CACNG7: variants seen among roughly 807,000 people sequenced by gnomAD.
The protein encoded by CACNG7 is calcium voltage-gated channel auxiliary subunit gamma 7.
A neutral mutation model predicts 26.3 loss-of-function variants in CACNG7; 9 were observed. The observed-to-expected ratio is 0.34, with a 90% confidence interval of 0.21 to 0.60. CACNG7 has a LOEUF of 0.60. Ranked by LOEUF, CACNG7 falls within the 20% of genes least tolerant of loss-of-function variation. The pLI is 0.81. For synonymous variants in CACNG7, 170 were observed against 157.0 expected (o/e 1.08, Z -0.62); for missense variants, 297 against 380.4 (o/e 0.78, Z 1.82).
intron 4 of CACNG7, among the ~76,000 whole-genome samples, chr19:53,921,137 TC>T (rs1375363030): frequency 2.6e-5 from 2 of 77,186 alleles, no homozygotes; most frequent in Admixed American, 2.2e-4. Context: ...CCAGGTCTGG[TC>T]ATTGGTGGAG....
intron 4 of CACNG7, among the ~76,000 whole-genome samples, chr19:53,934,809 G>T (rs1302594054): frequency 1.3e-5 from 2 of 151,276 alleles, no homozygotes; most frequent in Non-Finnish European, 2.9e-5. Flanking sequence ...TAGTGTGCAG[G>T]TAATACTTTA....
Position 53,925,510 on chromosome 19 carries a change from GC to G in CACNG7, c.424+10006del, listed in dbSNP as rs1568778603. Among the ~76,000 whole-genome samples, 353 of 61,946 alleles carry G rather than the reference GC, an allele frequency of 5.7e-3. 3 individuals carry two copies. Among genetic ancestry groups the G allele is most frequent in the African/African-American group, 0.015 (126 of 8,310 alleles). 40.6% of individuals were successfully genotyped at this position (61,946 alleles called of 152,430 possible). ...CTGGTCATTGGTGGACTTGCCCCAG[GC>G]TGGTCATTGGTGGAGTTGTCCCAGG... is the stretch of plus-strand genomic sequence containing the variant. On this transcript the variant is annotated intron_variant, in intron 4 of 5. Transcript: ENST00000391767.
intron 4 of CACNG7, among the ~76,000 whole-genome samples, chr19:53,920,397 T>C (rs34877458): frequency 5.1e-5 from 5 of 98,274 alleles, no homozygotes; most frequent in African/African-American, 1.1e-4. Context: ...TGGTCATTGG[T>C]GGACTTGCCC....
At chr19:53,922,856 GT>G (rs1366874951) in intron 4 of CACNG7, among the ~76,000 whole-genome samples, 1 of 75,354 alleles carries the variant, frequency 1.3e-5, no homozygotes, top group Non-Finnish European at 2.3e-5. Flanking sequence ...GTTGCCCCAG[GT>G]CTGGTCATTG....
At chr19:53,936,112 TTC>T (rs2069103788) in intron 4 of CACNG7, among the ~76,000 whole-genome samples, 2 of 152,272 alleles carry the variant, frequency 1.3e-5, no homozygotes, top group South Asian at 4.1e-4. Flanking sequence ...GCCTTTTTTT[TTC>T]TTTTTCAATC....
Position 53,915,368 on chromosome 19 carries a change from C to T in CACNG7, c.287C>T (p.Thr96Ile), listed in dbSNP as rs764059997. 1.4e-5 allele frequency: 23 copies of T among 1,612,528 alleles called. No individual in the cohort carries two copies. Among genetic ancestry groups the T allele is most frequent in the Non-Finnish European group, 1.9e-5 (22 of 1,178,770 alleles). ...TCTCTCCCCATCCCCTCCCCAGAGACAGTGCGCACGGCCACCCCCTTCCCC... is the reference window on the plus strand; with the variant it reads ...TCTCTCCCCATCCCCTCCCCAGAGATAGTGCGCACGGCCACCCCCTTCCCC... Reference protein sequence around the residue: ...VTENTENILKTVRTATPFPMV... With the variant: ...VTENTENILKIVRTATPFPMV... The change falls in exon 4 of 6, where the codon ACA (threonine) becomes ATA (isoleucine). Residue 96 changes from threonine to isoleucine, a missense_variant. Physicochemically the swap from Thr to Ile is moderately conservative, Grantham distance 89. Coordinates refer to ENST00000391767, the MANE Select transcript of CACNG7 (RefSeq NM_031896.5).
intron 2 of CACNG7, among the ~76,000 whole-genome samples, chr19:53,913,379 T>G (rs2068873050): frequency 6.6e-6 from 1 of 151,974 alleles, no homozygotes; most frequent in Non-Finnish European, 1.5e-5. Flanking sequence ...CCCAGCACTT[T>G]GGGAGGCCAA....
chr19:53,913,082 G>A, intron 2 of CACNG7, 55 bp downstream of exon 2: 1 of 1,510,558 alleles, frequency 6.6e-7, no homozygotes. Flanking sequence ...TGGGGTCTGA[G>A]AGTCTTAGCC....
At chr19:53,931,685 TAAAAAAAAAAAAA>T (rs747430354) in intron 4 of CACNG7, among the ~76,000 whole-genome samples, 2 of 44,950 alleles carry the variant, frequency 4.4e-5, no homozygotes, top group Admixed American at 3.0e-4. Flanking sequence ...AGACTCTGTC[TAAAAAAAAAAAAA>T]AAAAAAAAAA....
At chr19:53,921,338 G>GCCCCAGGCTGGTCATTGGTGGAGTCGT (rs1257360858) in intron 4 of CACNG7, among the ~76,000 whole-genome samples, 1 of 138,868 alleles carries the variant, frequency 7.2e-6, no homozygotes, top group Non-Finnish European at 1.5e-5. Context: ...TGGTGGACTT[G>GCCCCAGGCTGGTCATTGGTGGAGTCGT]CCCCAGGCTG....
rs867338880 is a variant in CACNG7 at position 53,942,559 on chromosome 19, C to A, written c.*266C>A. On this transcript the variant is annotated 3_prime_UTR_variant, in exon 6 of 6. Transcript: ENST00000391767. The surrounding 1 kb of genome is among the most constrained non-coding windows in gnomAD (Gnocchi z 5.9). ...TCCCCTTCGTTGGCCCGCCCCTTTC[C>A]TCTGGCCCCTCCTCTCCAAGAAAAT... 4.4e-6 allele frequency: 6 copies of A among 1,368,376 alleles called. No homozygotes were observed. Among genetic ancestry groups the A allele is most frequent in the African/African-American group, 2.9e-5 (2 of 68,318 alleles). 84.8% of individuals were successfully genotyped at this position (1,368,376 alleles called of 1,614,324 possible).
chr19:53,924,243 T>C (rs2069000033), intron 4 of CACNG7, among the ~76,000 whole-genome samples: 1 of 147,088 alleles, frequency 6.8e-6, no homozygotes, highest in African/African-American at 2.5e-5. Flanking sequence ...GGTCTGGTCA[T>C]TGGTGGAGTT....
intron 4 of CACNG7, among the ~76,000 whole-genome samples, chr19:53,934,981 G>GTC (rs1030502260): frequency 2.6e-5 from 4 of 151,020 alleles, no homozygotes; most frequent in Non-Finnish European, 4.4e-5. Context: ...TTGCCTTTCT[G>GTC]TCTCTCTCTC....
chr19:53,937,888 G>T (rs1410948964), intron 4 of CACNG7, among the ~76,000 whole-genome samples: 1 of 152,102 alleles, frequency 6.6e-6, no homozygotes, highest in Non-Finnish European at 1.5e-5. Context: ...ACTGCGCCTG[G>T]CCCATAGAAG....
intron 4 of CACNG7, among the ~76,000 whole-genome samples, chr19:53,916,483 C>G (rs370621382): frequency 1.1e-5 from 1 of 93,592 alleles, no homozygotes; most frequent in Non-Finnish European, 2.0e-5. Context: ...TTTTTTCTTT[C>G]TTTCTTTTTT....
chr19:53,915,094 G>T (rs1041842099), intron 3 of CACNG7, among the ~76,000 whole-genome samples: 2 of 151,950 alleles, frequency 1.3e-5, no homozygotes, highest in African/African-American at 4.8e-5. Context: ...GGTTGAAGGG[G>T]TGAGGTCCGG....
rs963272822 is a variant in CACNG7, at chr19:53,920,668, G to C, written c.424+5163G>C. The stretch of plus-strand genomic sequence containing the variant: ...TTGCCCCAGGCTGGTCATTGGTGGA[G>C]TTGCCCCAGGTCTGGTCATTGGTGG... On this transcript the variant is annotated intron_variant, in intron 4 of 5. Coordinates refer to ENST00000391767, the MANE Select transcript of CACNG7 (RefSeq NM_031896.5). Among the ~76,000 whole-genome samples the C allele has an allele frequency of 2.3e-4, 25 of 108,596 alleles. No individual in the cohort carries two copies. The East Asian group carries it at 3.3e-3, about 14-fold the overall frequency. 71.2% of individuals were successfully genotyped at this position (108,596 alleles called of 152,430 possible). A position where few individuals can be genotyped will look rare whatever the true frequency, so the allele number is the denominator to read the frequency against.
chr19:53,926,018 G>C (rs959007609), intron 4 of CACNG7, among the ~76,000 whole-genome samples: 12 of 152,138 alleles, frequency 7.9e-5, no homozygotes, highest in Non-Finnish European at 1.3e-4. Flanking sequence ...ATGATCTGTG[G>C]ATATGCTTAT....
In CACNG7 at chr19:53,943,558, G is replaced by C. The variant is rs1193463862; in HGVS notation, c.*1265G>C. 2 of 124,006 alleles carry C rather than the reference G, an allele frequency of 1.6e-5. No homozygotes were observed. Among genetic ancestry groups the C allele is most frequent in the Non-Finnish European group, 3.3e-5 (2 of 60,284 alleles). The allele number at this position is 124,006 out of a possible 1,614,324, so 7.7% of individuals were successfully genotyped here. A position where few individuals can be genotyped will look rare whatever the true frequency, so the allele number is the denominator to read the frequency against. On this transcript the variant is annotated 3_prime_UTR_variant, in exon 6 of 6. Transcript: ENST00000391767. ...AGGTGGGAGGGGGGAGGGGGGACCC[G>C]CCGCAGTTAACCTGACTTTACGCAG...
Sources: allele counts gnomAD v4.1 joint callset (sites outside exome capture counted in the v4.1 genomes callset), GRCh38; gene constraint gnomAD v4.1.1; non-coding constraint Gnocchi (gnomAD v3.1); transcripts MANE v1.5; gene names NCBI Gene and HGNC (gene_info 2026-07-23, HGNC 2026-07-21).